The following PTPN12 variants were observed in gnomAD, a reference collection of about 807,000 sequenced individuals.
PTPN12 encodes protein tyrosine phosphatase non-receptor type 12.
In PTPN12, 29 loss-of-function variants were observed where a neutral mutation model predicts 97.6. The ratio of observed to expected loss-of-function variants is 0.30; its 90% CI spans 0.22 to 0.41. The LOEUF is 0.41. PTPN12 is among the 10% of genes least tolerant of loss of function. The pLI, the probability that PTPN12 is intolerant of heterozygous loss-of-function variation, is 1.00. For missense variants in PTPN12, 819 were observed against 926.0 expected, an observed-to-expected ratio of 0.88 and a Z score of 1.50; for synonymous variants, 327 against 300.4, an observed-to-expected ratio of 1.09 and a Z score of -0.91.
chr7:77,605,418 T>G (rs1464821199), intron 8 of PTPN12, among the ~76,000 whole-genome samples: 1,432 of 128,386 alleles, frequency 0.011, 60 homozygotes, highest in Non-Finnish European at 0.018. Flanking sequence ...AGTTTTTTTT[T>G]TTTTTTTTTT....
At chr7:77,565,347 C>T (rs1584116419) in intron 1 of PTPN12, among the ~76,000 whole-genome samples, 1 of 152,128 alleles carries the variant, frequency 6.6e-6, no homozygotes, top group South Asian at 2.1e-4. Context: ...AATATGAAGA[C>T]AATTAGCTAT....
chr7:77,599,413 C>T (rs1484776971), intron 7 of PTPN12, among the ~76,000 whole-genome samples: 1 of 149,484 alleles, frequency 6.7e-6, no homozygotes, highest in South Asian at 2.1e-4. Context: ...TCTCCACCTT[C>T]CTAGTATCTG....
chr7:77,625,193 A>G (rs1789091021), intron 12 of PTPN12, among the ~76,000 whole-genome samples: 1 of 152,128 alleles, frequency 6.6e-6, no homozygotes, highest in Non-Finnish European at 1.5e-5. Flanking sequence ...TTTGCTTCAT[A>G]TAAAGTTCTT....
intron 6 of PTPN12, among the ~76,000 whole-genome samples, chr7:77,593,503 T>C (rs1787931164): frequency 6.6e-6 from 1 of 152,228 alleles, no homozygotes; most frequent in Admixed American, 6.5e-5. Context: ...GCTGATAAGC[T>C]GGAGACCCAG....
intron 1 of PTPN12, among the ~76,000 whole-genome samples, chr7:77,558,224 A>AG (rs1283466777): frequency 6.6e-6 from 1 of 151,154 alleles, no homozygotes. Context: ...AAAAAAAAAA[A>AG]AAAGAAAAAG....
chr7:77,625,179 G>C (rs2151391224), intron 12 of PTPN12, among the ~76,000 whole-genome samples: 1 of 151,302 alleles, frequency 6.6e-6, no homozygotes, highest in East Asian at 2.0e-4. Context: ...AAGCCCTCAA[G>C]AAGTTTGCTT....
At chr7:77,629,030 A>C (rs139318636) in intron 13 of PTPN12, among the ~76,000 whole-genome samples, 2,241 of 152,116 alleles carry the variant, frequency 0.015, 57 homozygotes, top group African/African-American at 0.051. Flanking sequence ...GCTCACTGCA[A>C]CCTCCGCCTC....
intron 2 of PTPN12, among the ~76,000 whole-genome samples, chr7:77,580,011 G>C (rs1787462164): frequency 6.6e-6 from 1 of 152,152 alleles, no homozygotes; most frequent in South Asian, 2.1e-4. Context: ...TCCTCTGTTA[G>C]GAATTTACCC....
intron 5 of PTPN12, among the ~76,000 whole-genome samples, chr7:77,590,539 C>T (rs558963364): frequency 6.6e-4 from 100 of 151,356 alleles, no homozygotes; most frequent in African/African-American, 2.2e-3. Flanking sequence ...GGCAAGACCC[C>T]ATCTCTATTT....
intron 11 of PTPN12, 136 bp downstream of exon 11, chr7:77,611,182 C>A: frequency 1.6e-6 from 1 of 641,006 alleles, no homozygotes. Flanking sequence ...TTTACTTAAA[C>A]TCATTTCCTT....
chr7:77,542,472 G>C (rs940555384), intron 1 of PTPN12, among the ~76,000 whole-genome samples: 1 of 152,182 alleles, frequency 6.6e-6, no homozygotes, highest in Admixed American at 6.5e-5. Context: ...ATAGCAGTAT[G>C]AAGGGTGGCA....
chr7:77,597,980 C>A (rs1460594238), intron 7 of PTPN12, 79 bp downstream of exon 7: 1 of 1,541,916 alleles, frequency 6.5e-7, no homozygotes, highest in Non-Finnish European at 8.7e-7. Flanking sequence ...GTAATCCCAA[C>A]ACTTTGGGAG....
In PTPN12 at chr7:77,609,893, A is replaced by G. The variant is rs1168628060; in HGVS notation, c.763-872A>G. ...GAGACTCCGTCTCAAAAAAAAAACA[A>G]CAAAAAAAAAACCCAAAAATCTTAT... is the stretch of plus-strand genomic sequence containing the variant. On this transcript the variant is annotated intron_variant, in intron 9 of 17. Coordinates refer to ENST00000248594, the MANE Select transcript of PTPN12 (RefSeq NM_002835.4). 1.1e-4 allele frequency among the ~76,000 whole-genome samples: 15 copies of G among 135,868 alleles called. No individual in the cohort carries two copies. In the East Asian group the frequency reaches 4.4e-3, roughly 40 times the overall value. 89.1% of individuals were successfully genotyped at this position (135,868 alleles called of 152,430 possible).
intron 1 of PTPN12, among the ~76,000 whole-genome samples, chr7:77,549,781 T>C (rs772262081): frequency 2.6e-5 from 4 of 152,066 alleles, no homozygotes; most frequent in Non-Finnish European, 4.4e-5. Context: ...GAGGTCTTAC[T>C]ATGTTGCCCA....
At chr7:77,622,842 A>G (rs547275960) in intron 12 of PTPN12, among the ~76,000 whole-genome samples, 1 of 151,746 alleles carries the variant, frequency 6.6e-6, no homozygotes, top group African/African-American at 2.4e-5. Context: ...AAAATAAGGA[A>G]CTCCATTTTC....
At chr7:77,560,523 A>C (rs1807949520) in intron 1 of PTPN12, among the ~76,000 whole-genome samples, 1 of 152,026 alleles carries the variant, frequency 6.6e-6, no homozygotes, top group Non-Finnish European at 1.5e-5. Context: ...CTCTGTTCCC[A>C]TTAAACCACC....
At chr7:77,550,652 A>G (rs1324653295) in intron 1 of PTPN12, among the ~76,000 whole-genome samples, 1 of 152,216 alleles carries the variant, frequency 6.6e-6, no homozygotes, top group Non-Finnish European at 1.5e-5. Flanking sequence ...ATGGCTTCCC[A>G]TCTGAACTCT....
At chr7:77,638,512 G>T in intron 16 of PTPN12, 112 bp from the exon 17 acceptor site, 2 of 1,316,484 alleles carry the variant, frequency 1.5e-6, no homozygotes, top group East Asian at 3.0e-5. Context: ...ATGGTGCCCA[G>T]GAGAGAAAGT....
intron 4 of PTPN12, chr7:77,585,269 C>T (rs950338666): frequency 3.8e-6 from 1 of 260,754 alleles, no homozygotes; most frequent in African/African-American, 2.2e-5. Flanking sequence ...TCAGAAGTCA[C>T]AAAGTAAATC....
Sources: allele counts gnomAD v4.1 joint callset (sites outside exome capture counted in the v4.1 genomes callset), GRCh38; gene constraint gnomAD v4.1.1; transcripts MANE v1.5; gene names NCBI Gene and HGNC (gene_info 2026-07-23, HGNC 2026-07-21).